CERT1: variants seen among roughly 807,000 people sequenced by gnomAD.
CERT1 encodes the protein ceramide transfer protein.
A neutral mutation model predicts 87.9 loss-of-function variants in CERT1; 31 were observed. The ratio of observed to expected loss-of-function variants is 0.35; its 90% CI spans 0.27 to 0.48. The LOEUF (loss-of-function observed/expected upper bound fraction) is 0.48. Ranked by LOEUF, CERT1 falls within the 20% of genes least tolerant of loss-of-function variation. The probability of loss-of-function intolerance (pLI) is 0.99; values close to 1 mark genes in which losing one functional copy is unlikely to be tolerated. For synonymous variants in CERT1, 289 were observed against 250.9 expected (o/e 1.15, Z -1.44); for missense variants, 487 against 758.0 (o/e 0.64, Z 4.20).
intron 13 of CERT1, among the ~76,000 whole-genome samples, chr5:75,385,125 T>C (rs1022324557): frequency 1.3e-5 from 2 of 152,190 alleles, no homozygotes; most frequent in Non-Finnish European, 2.9e-5. Flanking sequence ...CATCTGATGA[T>C]GTTGAGAAGT....
At chr5:75,442,828 A>T (rs1304873413) in intron 3 of CERT1, among the ~76,000 whole-genome samples, 1 of 152,214 alleles carries the variant, frequency 6.6e-6, no homozygotes, top group African/African-American at 2.4e-5. Flanking sequence ...ACATGTGCTC[A>T]CATTCATGTA....
At position 75,379,107 on chromosome 5, in the gene CERT1, C is replaced by T. The variant is rs541205195; in HGVS notation, c.*239G>A. On this transcript the variant is annotated 3_prime_UTR_variant, in exon 17 of 17. Coordinates refer to ENST00000643780, the MANE Select transcript of CERT1 (RefSeq NM_001379029.1). ...CTGAGATGAGAGGATTGTTTGAGGC[C>T]AGAGGTTGAGGTTGCAGTGAGCCGT... is the stretch of plus-strand genomic sequence containing the variant. 1.2e-3 allele frequency: 467 copies of T among 381,392 alleles called. 3 individuals are homozygous for T. Among genetic ancestry groups the T allele is most frequent in the Non-Finnish European group, 1.8e-3 (378 of 210,836 alleles). The allele number at this position is 381,392 out of a possible 1,614,324, so 23.6% of individuals were successfully genotyped here.
rs778363307 is a variant in CERT1, at chr5:75,511,386, C to A, written c.-179G>T. Reference sequence around the variant, plus strand: ...GCCGCGCCGCCGCCGCGCCTGACACCGAGCGGAGCGAGGAAGGAGGACGAG... The same window carrying A: ...GCCGCGCCGCCGCCGCGCCTGACACAGAGCGGAGCGAGGAAGGAGGACGAG... On this transcript the variant is annotated 5_prime_UTR_variant, in exon 1 of 17. Transcript: ENST00000643780. 83 of 1,546,496 alleles carry A rather than the reference C, an allele frequency of 5.4e-5. No individual in the cohort carries two copies. In the South Asian group the frequency reaches 9.3e-4, roughly 17 times the overall value.
chr5:75,490,508 T>A (rs200803209), intron 2 of CERT1, among the ~76,000 whole-genome samples: 12 of 128,086 alleles, frequency 9.4e-5, no homozygotes, highest in Non-Finnish European at 3.5e-5. Flanking sequence ...TATTTATTTA[T>A]TTTTTTTTGA....
chr5:75,478,909 TAAAAAAAAAAAAAA>T (rs11438163), intron 2 of CERT1, among the ~76,000 whole-genome samples: 4 of 21,766 alleles, frequency 1.8e-4, no homozygotes, highest in Admixed American at 7.8e-4. Flanking sequence ...AAGTAAGTAC[TAAAAAAAAAAAAAA>T]AAAAAAAAAA....
Position 75,439,046 on chromosome 5 carries a change from C to CA in CERT1, c.349-12569dup, listed in dbSNP as rs1011761428. 1.4e-4 allele frequency among the ~76,000 whole-genome samples: 20 copies of CA among 147,170 alleles called. No individual in the cohort carries two copies. The East Asian group carries it at 3.5e-3, about 26-fold the overall frequency. On this transcript the variant is annotated intron_variant, in intron 3 of 16. Transcript: ENST00000643780. ...AGCTGATACGAAGGTTACTACTGGT[C>CA]AAAAAAAAATAGTAACCTTTAGACT...
At chr5:75,427,416 T>A (rs1176016358) in intron 3 of CERT1, among the ~76,000 whole-genome samples, 4 of 152,148 alleles carry the variant, frequency 2.6e-5, no homozygotes, top group African/African-American at 9.7e-5. Context: ...CTGGCCAATA[T>A]GGTGAAACCC....
At chr5:75,383,022 A>C (rs2112001020) in intron 14 of CERT1, among the ~76,000 whole-genome samples, 1 of 152,248 alleles carries the variant, frequency 6.6e-6, no homozygotes, top group African/African-American at 2.4e-5. Context: ...AAGATGTCAA[A>C]TTTAAAGGGA....
At chr5:75,442,954 A>C (rs975455462) in intron 3 of CERT1, among the ~76,000 whole-genome samples, 16 of 152,184 alleles carry the variant, frequency 1.1e-4, no homozygotes, top group Non-Finnish European at 2.4e-4. Context: ...ATGCATAGGA[A>C]AAAAATTTAT....
chr5:75,502,945 T>C (rs1484817729), intron 2 of CERT1, among the ~76,000 whole-genome samples: 1 of 152,050 alleles, frequency 6.6e-6, no homozygotes, highest in African/African-American at 2.4e-5. Flanking sequence ...CAAACACTTA[T>C]TCTACATACA....
intron 11 of CERT1, among the ~76,000 whole-genome samples, chr5:75,393,620 A>AAAAG (rs1294388082): frequency 6.9e-6 from 1 of 145,300 alleles, no homozygotes; most frequent in Non-Finnish European, 1.5e-5. Context: ...AAAAAAAAAA[A>AAAAG]AAAGAAAGTC....
intron 3 of CERT1, among the ~76,000 whole-genome samples, chr5:75,445,849 A>C (rs1041006416): frequency 6.6e-6 from 1 of 152,164 alleles, no homozygotes; most frequent in Non-Finnish European, 1.5e-5. Flanking sequence ...CTTTGAATAC[A>C]TTGGCCCATA....
chr5:75,423,640 T>G (rs1763481621), intron 5 of CERT1, among the ~76,000 whole-genome samples: 1 of 152,096 alleles, frequency 6.6e-6, no homozygotes. Context: ...AGTTCGGAAG[T>G]TGAGGCAGGA....
intron 12 of CERT1, among the ~76,000 whole-genome samples, chr5:75,387,020 A>G (rs543083400): frequency 6.6e-6 from 1 of 152,254 alleles, no homozygotes; most frequent in African/African-American, 2.4e-5. Context: ...GGCGCCTGCC[A>G]CTACGCCCAG....
At chr5:75,392,760 G>A (rs1273912646) in intron 11 of CERT1, among the ~76,000 whole-genome samples, 1 of 151,852 alleles carries the variant, frequency 6.6e-6, no homozygotes, top group East Asian at 1.9e-4. Context: ...ACAAGGTCAG[G>A]AGTTCGAGAC....
chr5:75,405,631 A>G (rs992890317), intron 8 of CERT1, among the ~76,000 whole-genome samples: 1 of 152,124 alleles, frequency 6.6e-6, no homozygotes, highest in South Asian at 2.1e-4. Context: ...CTACTTTCCA[A>G]ATACAATAGT....
chr5:75,511,597 A>C lies in CERT1; in HGVS notation c.-390T>G. ...TCCCGCGTCCACTCACACCTCCGCTACCGCCGCCATCTTCCTGCCTGGCCC... is the reference window on the plus strand; with the variant it reads ...TCCCGCGTCCACTCACACCTCCGCTCCCGCCGCCATCTTCCTGCCTGGCCC... On this transcript the variant is annotated 5_prime_UTR_variant, in exon 1 of 17. Transcript: ENST00000643780. 4 of 1,465,804 alleles carry C rather than the reference A, an allele frequency of 2.7e-6. No homozygotes were observed. In the South Asian group the frequency reaches 5.5e-5, roughly 20 times the overall value. The allele number at this position is 1,465,804 out of a possible 1,614,324, so 90.8% of individuals were successfully genotyped here.
At chr5:75,389,005 T>G (rs991217297) in intron 12 of CERT1, among the ~76,000 whole-genome samples, 19 of 152,186 alleles carry the variant, frequency 1.2e-4, no homozygotes, top group Non-Finnish European at 2.9e-5. Flanking sequence ...CTTTGTATCT[T>G]TATTTAGCAT....
At chr5:75,461,126 T>C (rs1765208497) in intron 2 of CERT1, among the ~76,000 whole-genome samples, 1 of 152,154 alleles carries the variant, frequency 6.6e-6, no homozygotes, top group African/African-American at 2.4e-5. Context: ...ACATATGCTA[T>C]GTAAAGCAGG....
Sources: allele counts gnomAD v4.1 joint callset (sites outside exome capture counted in the v4.1 genomes callset), GRCh38; gene constraint gnomAD v4.1.1; transcripts MANE v1.5; gene names NCBI Gene and HGNC (gene_info 2026-07-23, HGNC 2026-07-21).